RP1: variants seen among roughly 807,000 people sequenced by gnomAD.
RP1 encodes RP1 axonemal microtubule associated.
In RP1, 16 loss-of-function variants were observed where a neutral mutation model predicts 14.8. The observed-to-expected ratio is 1.08, with a 90% CI of 0.73 to 1.65. The LOEUF (loss-of-function observed/expected upper bound fraction) is 1.65. RP1 is among the 40% of genes most tolerant of loss of function. The pLI, the probability that RP1 is intolerant of heterozygous loss-of-function variation, is 0.00. For missense variants in RP1, 2,631 were observed against 2,535.0 expected, an observed-to-expected ratio of 1.04 and a Z score of -0.81; for synonymous variants, 876 against 883.6, an observed-to-expected ratio of 0.99 and a Z score of 0.15.
intron 1 of RP1, among the ~76,000 whole-genome samples, chr8:54,579,937 C>T (rs1377235973): frequency 6.6e-6 from 1 of 152,212 alleles, no homozygotes; most frequent in Admixed American, 6.5e-5. Context: ...GCTCTGCTCC[C>T]TCACATTCCT....
intron 17 of RP1, chr8:54,726,572 C>A: frequency 7.5e-7 from 1 of 1,342,184 alleles, no homozygotes; most frequent in Non-Finnish European, 9.8e-7. Context: ...ATTTTTACAG[C>A]ATATATTATG....
At chr8:54,839,181 A>C (rs1402716255) in intron 25 of RP1, among the ~76,000 whole-genome samples, 1 of 152,114 alleles carries the variant, frequency 6.6e-6, no homozygotes, top group Non-Finnish European at 1.5e-5. Context: ...GGTGGGTTTA[A>C]ATGCTTGATT....
intron 22 of RP1, among the ~76,000 whole-genome samples, chr8:54,763,245 A>G (rs955172478): frequency 5.9e-5 from 9 of 152,198 alleles, no homozygotes; most frequent in South Asian, 2.1e-4. Flanking sequence ...CTATCTTTTA[A>G]TAGAAACAAT....
chr8:54,608,808 A>G (rs1283059374), intron 1 of RP1, among the ~76,000 whole-genome samples: 2 of 152,138 alleles, frequency 1.3e-5, no homozygotes, highest in African/African-American at 2.4e-5. Flanking sequence ...TACATTAAAA[A>G]CCATAGTCTT....
chr8:54,839,088 G>A (rs372434562), intron 25 of RP1, among the ~76,000 whole-genome samples: 1 of 152,224 alleles, frequency 6.6e-6, no homozygotes, highest in African/African-American at 2.4e-5. Context: ...TTCATCACGT[G>A]GTACCAGCCT....
At chr8:54,795,238 G>C (rs1185291946) in intron 24 of RP1, among the ~76,000 whole-genome samples, 1 of 152,004 alleles carries the variant, frequency 6.6e-6, no homozygotes, top group African/African-American at 2.4e-5. Context: ...GTATATATCT[G>C]AAGGAAACAA....
chr8:54,701,319 T>G (rs1409190833), intron 13 of RP1, among the ~76,000 whole-genome samples: 3 of 152,170 alleles, frequency 2.0e-5, no homozygotes, highest in Non-Finnish European at 2.9e-5. Context: ...GTCATTGGAA[T>G]TAAGTCTGGG....
At chr8:54,787,052 T>C (rs992765857) in intron 24 of RP1, among the ~76,000 whole-genome samples, 2 of 152,158 alleles carry the variant, frequency 1.3e-5, no homozygotes, top group African/African-American at 4.8e-5. Flanking sequence ...GGAACTTGGT[T>C]GTAGGACTTC....
intron 18 of RP1, among the ~76,000 whole-genome samples, chr8:54,736,161 G>A (rs1184150768): frequency 6.6e-6 from 1 of 152,154 alleles, no homozygotes; most frequent in Non-Finnish European, 1.5e-5. Flanking sequence ...CTTCCCACAT[G>A]TTAGTTATGT....
chr8:54,679,906 G>A (rs1180894928), exon 12 of RP1: 10 of 1,535,890 alleles, frequency 6.5e-6, no homozygotes, highest in African/African-American at 4.1e-5. Context: ...CACAGTTGAC[G>A]CCATTGGAGA....
At chr8:54,740,156 A>C (rs1315167707) in intron 19 of RP1, among the ~76,000 whole-genome samples, 1 of 149,958 alleles carries the variant, frequency 6.7e-6, no homozygotes, top group African/African-American at 2.4e-5. Context: ...TACTTATATT[A>C]ACTCATTCTA....
At chr8:54,786,844 C>T (rs1285995124) in intron 24 of RP1, among the ~76,000 whole-genome samples, 1 of 151,952 alleles carries the variant, frequency 6.6e-6, no homozygotes, top group Non-Finnish European at 1.5e-5. Flanking sequence ...AGAACTGGCC[C>T]AATATAAATT....
intron 12 of RP1, among the ~76,000 whole-genome samples, chr8:54,693,743 A>G (rs1342911089): frequency 6.6e-6 from 1 of 152,166 alleles, no homozygotes; most frequent in Non-Finnish European, 1.5e-5. Context: ...TTTTCTAGAT[A>G]TACAATCATG....
chr8:54,858,884 G>A (rs1335321974), intron 27 of RP1, among the ~76,000 whole-genome samples: 1 of 152,054 alleles, frequency 6.6e-6, no homozygotes, highest in Non-Finnish European at 1.5e-5. Flanking sequence ...GCAGAGTGAT[G>A]TTACTGTAGA....
chr8:54,814,553 C>T (rs1483977439), intron 24 of RP1, among the ~76,000 whole-genome samples: 1 of 152,070 alleles, frequency 6.6e-6, no homozygotes, highest in Admixed American at 6.6e-5. Flanking sequence ...AGAATTGGTC[C>T]TGGTATGGAA....
chr8:54,574,949 T>A (rs1440325594), intron 1 of RP1, among the ~76,000 whole-genome samples: 1 of 152,172 alleles, frequency 6.6e-6, no homozygotes, highest in African/African-American at 2.4e-5. Context: ...GGATTCCTCA[T>A]TAAAGGCCAT....
At chr8:54,717,049 G>T (rs973206914) in intron 15 of RP1, among the ~76,000 whole-genome samples, 3 of 152,074 alleles carry the variant, frequency 2.0e-5, no homozygotes, top group African/African-American at 7.2e-5. Context: ...CTCTTCTTGT[G>T]GGGTGGCAGT....
chr8:54,719,838 A>C (rs986188491), intron 15 of RP1, among the ~76,000 whole-genome samples: 1 of 152,236 alleles, frequency 6.6e-6, no homozygotes, highest in Non-Finnish European at 1.5e-5. Context: ...AGAGGTGAGC[A>C]ACTCTAAAAT....
chr8:54,648,962 G>C (rs1315139775), intron 3 of RP1: 2 of 1,476,692 alleles, frequency 1.4e-6, no homozygotes, highest in East Asian at 2.5e-5. Flanking sequence ...CCATAATGCT[G>C]TATGTTATTT....
Sources: gnomAD v4.1 joint callset for allele counts (sites outside exome capture counted in the v4.1 genomes callset) on GRCh38, gnomAD v4.1.1 for gene constraint, MANE v1.5 for transcripts, NCBI Gene and HGNC (gene_info 2026-07-23, HGNC 2026-07-21) for gene names.